Variants in BICC1 observed in about 807,000 individuals in gnomAD.
BICC1 encodes the protein BicC family RNA binding protein 1.
A neutral mutation model predicts 111.0 loss-of-function variants in BICC1; 43 were observed. That is an observed-to-expected ratio of 0.39 (90% CI 0.30 to 0.50). BICC1 has a LOEUF of 0.50. Among genes scored for constraint, BICC1 ranks in the 20% least tolerant of loss-of-function variants. The pLI is 0.88. For synonymous variants in BICC1, 467 were observed against 434.4 expected (o/e 1.07, Z -0.93); for missense variants, 1,091 against 1,203.2 (o/e 0.91, Z 1.38).
At chr10:58,665,240 C>T (rs1838973409) in intron 2 of BICC1, among the ~76,000 whole-genome samples, 1 of 152,130 alleles carries the variant, frequency 6.6e-6, no homozygotes, top group South Asian at 2.1e-4. Flanking sequence ...TCAAAAACAA[C>T]CATTTTTGAA....
chr10:58,619,774 G>C (rs1287291820), intron 1 of BICC1, among the ~76,000 whole-genome samples: 1 of 152,258 alleles, frequency 6.6e-6, no homozygotes, highest in East Asian at 1.9e-4. Context: ...AATTATGGTA[G>C]ATGCTTGTCA....
chr10:58,694,336 C>T (rs926039582), intron 2 of BICC1, among the ~76,000 whole-genome samples: 1 of 152,300 alleles, frequency 6.6e-6, no homozygotes, highest in African/African-American at 2.4e-5. Flanking sequence ...ACAGCCATGT[C>T]GTGAGCAGTC....
Position 58,553,827 on chromosome 10 carries a change from G to A in BICC1, c.190+40494G>A, listed in dbSNP as rs2131924052. Among the ~76,000 whole-genome samples the A allele has an allele frequency of 2.0e-5, 3 of 151,304 alleles. No homozygotes were observed. The South Asian group carries it at 6.3e-4, about 32-fold the overall frequency. ...TTGTCATTTTCAAGGGTAGCTTTTT[G>A]GAACTTTGTCAATAGAGTACAAAAA... is the stretch of plus-strand genomic sequence containing the variant. On this transcript the variant is annotated intron_variant, in intron 1 of 20. Coordinates refer to ENST00000373886, the MANE Select transcript of BICC1 (RefSeq NM_001080512.3).
intron 3 of BICC1, among the ~76,000 whole-genome samples, chr10:58,761,019 T>A (rs979297167): frequency 6.6e-6 from 1 of 151,966 alleles, no homozygotes; most frequent in Non-Finnish European, 1.5e-5. Context: ...CCTGGCAAAA[T>A]TTTTGTATAT....
intron 2 of BICC1, among the ~76,000 whole-genome samples, chr10:58,630,428 T>G (rs1000461557): frequency 2.0e-5 from 3 of 152,086 alleles, no homozygotes; most frequent in Non-Finnish European, 4.4e-5. Flanking sequence ...TTTTCCTGTT[T>G]TTGTTTTGTT....
chr10:58,711,257 C>G (rs1252587080), intron 3 of BICC1, among the ~76,000 whole-genome samples: 1 of 152,156 alleles, frequency 6.6e-6, no homozygotes, highest in Non-Finnish European at 1.5e-5. Context: ...AAGTTGTATG[C>G]AATGTACCAA....
At chr10:58,731,640 G>T (rs564056811) in intron 3 of BICC1, among the ~76,000 whole-genome samples, 143 of 152,258 alleles carry the variant, frequency 9.4e-4, no homozygotes, top group Non-Finnish European at 1.7e-3. Flanking sequence ...GAGGCCTCAG[G>T]AAGCTTGTAC....
chr10:58,712,017 C>A (rs1266087198), intron 3 of BICC1, among the ~76,000 whole-genome samples: 1 of 152,062 alleles, frequency 6.6e-6, no homozygotes, highest in Non-Finnish European at 1.5e-5. Flanking sequence ...AATAAGAAAA[C>A]AACCTGATTT....
At chr10:58,540,770 T>C (rs1842950006) in intron 1 of BICC1, among the ~76,000 whole-genome samples, 1 of 151,998 alleles carries the variant, frequency 6.6e-6, no homozygotes. Flanking sequence ...AGGTCAACAT[T>C]ACTCTGATAC....
chr10:58,829,622 C>T lies in BICC1; in HGVS notation c.*731C>T, dbSNP rs1844501676. On this transcript the variant is annotated 3_prime_UTR_variant, in exon 21 of 21. Transcript: ENST00000373886. The stretch of plus-strand genomic sequence containing the variant: ...TTCATGTATGTTAGCATCCTAGAAA[C>T]ACCTAGCAATGGACCTAGTTCACAG... 1 of 152,230 alleles carries T rather than the reference C, an allele frequency of 6.6e-6. No homozygotes were observed. The highest frequency in any genetic ancestry group is 2.1e-4 in the South Asian group (1 of 4,828). The allele number at this position is 152,230 out of a possible 1,614,324, so 9.4% of individuals were successfully genotyped here.
chr10:58,591,898 A>G (rs372366166), intron 1 of BICC1, among the ~76,000 whole-genome samples: 177 of 152,302 alleles, frequency 1.2e-3, no homozygotes, highest in African/African-American at 4.2e-3. Flanking sequence ...ATTGAGTTTA[A>G]TGTTCGCTAA....
chr10:58,788,344 A>G (rs373594414), intron 5 of BICC1, 26 bp from the exon 6 acceptor site: 6 of 1,554,032 alleles, frequency 3.9e-6, no homozygotes, highest in South Asian at 3.4e-5. Context: ...AAATAAATCT[A>G]ACTTTGTATT....
At chr10:58,580,434 A>G (rs1309959184) in intron 1 of BICC1, among the ~76,000 whole-genome samples, 3 of 152,180 alleles carry the variant, frequency 2.0e-5, no homozygotes, top group African/African-American at 7.2e-5. Context: ...CTCAAAGGAA[A>G]TGTTCATTGG....
intron 9 of BICC1, among the ~76,000 whole-genome samples, chr10:58,795,147 A>C (rs927322599): frequency 3.3e-5 from 5 of 152,166 alleles, no homozygotes; most frequent in Admixed American, 6.5e-5. Flanking sequence ...TAAGAAAATA[A>C]CACCATTTTT....
intron 3 of BICC1, among the ~76,000 whole-genome samples, chr10:58,704,315 A>G (rs1243369042): frequency 1.3e-5 from 2 of 152,192 alleles, no homozygotes; most frequent in African/African-American, 4.8e-5. Flanking sequence ...CGCAGAATGC[A>G]CTTAAAGAGA....
chr10:58,565,837 G>T (rs1160302783), intron 1 of BICC1, among the ~76,000 whole-genome samples: 6 of 152,024 alleles, frequency 3.9e-5, no homozygotes, highest in South Asian at 4.2e-4. Flanking sequence ...ATTTCCATAG[G>T]TTTTTGGGGA....
At chr10:58,719,473 A>T (rs2132517008) in intron 3 of BICC1, among the ~76,000 whole-genome samples, 1 of 150,712 alleles carries the variant, frequency 6.6e-6, no homozygotes, top group African/African-American at 2.4e-5. Flanking sequence ...TTCTTGCACC[A>T]GCTCAGCACC....
At chr10:58,680,843 G>C (rs1164266187) in intron 2 of BICC1, among the ~76,000 whole-genome samples, 1 of 152,180 alleles carries the variant, frequency 6.6e-6, no homozygotes, top group Non-Finnish European at 1.5e-5. Flanking sequence ...CAATGGAACA[G>C]AACAGAGGCC....
At chr10:58,646,386 ATTTG>A (rs1838270190) in intron 2 of BICC1, among the ~76,000 whole-genome samples, 2 of 152,092 alleles carry the variant, frequency 1.3e-5, no homozygotes, top group African/African-American at 2.4e-5. Context: ...TAAATGACCT[ATTTG>A]TTTGGGCTAA....
Sources: gnomAD v4.1 joint callset for allele counts (sites outside exome capture counted in the v4.1 genomes callset) on GRCh38, gnomAD v4.1.1 for gene constraint, MANE v1.5 for transcripts, NCBI Gene and HGNC (gene_info 2026-07-23, HGNC 2026-07-21) for gene names.